The following PAX4 variants were observed in gnomAD, a reference collection of about 807,000 sequenced individuals.
The protein encoded by PAX4 is paired box protein Pax-4.
PAX4 carries 33 observed loss-of-function variants against 40.6 expected under a neutral mutation model. That is an observed-to-expected ratio of 0.81 (90% CI 0.62 to 1.09). The LOEUF (loss-of-function observed/expected upper bound fraction) is 1.09, where lower values mean the gene tolerates loss of function less well. PAX4 is among the 50% of genes least tolerant of loss of function. PAX4 has a pLI of 0.00. For synonymous variants in PAX4, 174 were observed against 170.6 expected, an observed-to-expected ratio of 1.02 and a Z score of -0.16; for missense variants, 459 against 442.5, an observed-to-expected ratio of 1.04 and a Z score of -0.33.
chr7:127,613,184 G>T, intron 8 of PAX4, 93 bp from the exon 9 acceptor site: 2 of 1,109,096 alleles, frequency 1.8e-6, no homozygotes, highest in Non-Finnish European at 1.4e-6. Context: ...AACTCAGAAT[G>T]TTGACCCTTC....
At position 127,611,009 on chromosome 7, in the gene PAX4, C is replaced by A; in HGVS notation, c.*55G>T. ...GTCTGTATGGGCAGGACGGTAAGGA[C>A]AATGGGCAGGATGGTATTAGATCTT... On this transcript the variant is annotated 3_prime_UTR_variant, in exon 12 of 12. Transcript: ENST00000639438. 6.4e-7 allele frequency: 1 copy of A among 1,561,694 alleles called. No individual in the cohort carries two copies. Among genetic ancestry groups the A allele is most frequent in the Non-Finnish European group, 8.7e-7 (1 of 1,151,238 alleles).
chr7:127,612,876 G>A (rs928421127), intron 9 of PAX4, 146 bp downstream of exon 9: 9 of 691,244 alleles, frequency 1.3e-5, no homozygotes, highest in Non-Finnish European at 1.6e-5. Flanking sequence ...ATGGATAGAT[G>A]AATGGATGAA....
At chr7:127,613,658 AC>A (rs1562960304) in intron 7 of PAX4, 97 bp downstream of exon 7, 49 of 1,469,292 alleles carry the variant, frequency 3.3e-5, no homozygotes, top group Non-Finnish European at 4.4e-5. Flanking sequence ...AGGGCCACTC[AC>A]ACCTGCACCT....
Position 127,616,025 on chromosome 7 carries a change from G to C in PAX4, c.-97C>G. On this transcript the variant is annotated splice_region_variant and 5_prime_UTR_variant, in exon 3 of 12. Transcript: ENST00000639438. ...AGCTCCTTTTCCAGCTTGGGGGCTG[G>C]CTCTGCAATAATGGGGGGTTATTTG... 1 of 1,415,416 alleles carries C rather than the reference G, an allele frequency of 7.1e-7. No individual in the cohort carries two copies. The highest frequency in any genetic ancestry group is 1.2e-5 in the South Asian group (1 of 80,954). The allele number at this position is 1,415,416 out of a possible 1,614,324, so 87.7% of individuals were successfully genotyped here.
intron 9 of PAX4, 86 bp from the exon 10 acceptor site, chr7:127,612,086 C>T (rs1328661361): frequency 1.2e-5 from 16 of 1,333,896 alleles, no homozygotes; most frequent in Admixed American, 3.7e-5. Flanking sequence ...AGGTTGGATA[C>T]AAAGAGGTTC....
chr7:127,613,021 C>G lies in PAX4; in HGVS notation c.715+1G>C, dbSNP rs1794661466. On this transcript the variant is annotated splice_donor_variant, in intron 9 of 11. Coordinates refer to ENST00000639438, the MANE Select transcript of PAX4 (RefSeq NM_001366110.1). LOFTEE classifies it high-confidence loss of function. ...GATGGATGATGGTGCAGAGAAATCA[C>G]CTGGCAGCTGCATTTCCCACTTGAG... The G allele has an allele frequency of 6.2e-7, 1 of 1,611,884 alleles. No individual in the cohort carries two copies.
In PAX4 at chr7:127,611,738, G is replaced by A. The variant is rs327518; in HGVS notation, c.772-62C>T. 598,055 of 1,601,966 alleles carry A rather than the reference G, an allele frequency of 0.37. 117,809 individuals carry two copies. Among genetic ancestry groups the A allele is most frequent in the Admixed American group, 0.43 (25,834 of 59,864 alleles). ...AGTGATGCCTCCTGTAGAGAACGCC[G>A]GGACCCCAGAGCTGCCTGCCACCCA... On this transcript the variant is annotated intron_variant, in intron 10 of 11. Coordinates refer to ENST00000639438, the MANE Select transcript of PAX4 (RefSeq NM_001366110.1).
intron 7 of PAX4, 78 bp from the exon 8 acceptor site, chr7:127,613,610 C>G (rs1794673015): frequency 6.3e-7 from 1 of 1,581,738 alleles, no homozygotes; most frequent in Non-Finnish European, 8.7e-7. Context: ...CAACACTCCC[C>G]ACCTGCTACA....
At chr7:127,613,727 C>T (rs747881945) in intron 7 of PAX4, 29 bp downstream of exon 7, 1 of 1,613,486 alleles carries the variant, frequency 6.2e-7, no homozygotes. Flanking sequence ...TGAGGACTCT[C>T]TGACCCTCCA....
rs574703431 is a variant in PAX4 at position 127,611,879 on chromosome 7, G to A, written c.771+66C>T. 110 of 1,609,292 alleles carry A rather than the reference G, an allele frequency of 6.8e-5. 1 individual carries two copies. In the African/African-American group the frequency reaches 1.3e-3, roughly 19 times the overall value. ...GAGCCGGAGATCCTGGCTCAGGCCA[G>A]AAATGGAAGAGCCCATGAGCCCTTC... On this transcript the variant is annotated intron_variant, in intron 10 of 11. Coordinates refer to ENST00000639438, the MANE Select transcript of PAX4 (RefSeq NM_001366110.1).
intron 2 of PAX4, 57 bp from the exon 3 acceptor site, chr7:127,616,084 G>A: frequency 1.2e-6 from 1 of 833,156 alleles, no homozygotes; most frequent in Non-Finnish European, 1.8e-6. Context: ...GTCCTGGGAG[G>A]TAGTGTTTTG....
chr7:127,611,327 C>T (rs1274417132), intron 11 of PAX4, 121 bp from the exon 12 acceptor site: 1 of 1,307,958 alleles, frequency 7.6e-7, no homozygotes, highest in Non-Finnish European at 1.1e-6. Context: ...GAATCCCAGT[C>T]TCACATCCTT....
At chr7:127,613,620 A>C in intron 7 of PAX4, 88 bp from the exon 8 acceptor site, 3 of 1,583,076 alleles carry the variant, frequency 1.9e-6, no homozygotes, top group Non-Finnish European at 2.6e-6. Flanking sequence ...CACCTGCTAC[A>C]ACCCCAAACT....
At position 127,611,972 on chromosome 7, in the gene PAX4, C is replaced by A. The variant is rs1272120794; in HGVS notation, c.744G>T (p.Arg248Ser). 1 of 1,614,008 alleles carries A rather than the reference C, an allele frequency of 6.2e-7. No individual in the cohort carries two copies. The highest frequency in any genetic ancestry group is 8.5e-7 in the Non-Finnish European group (1 of 1,180,030). Residue 248 changes from arginine to serine, a missense_variant, in exon 10 of 12, where the codon AGG (arginine) becomes AGT (serine). Physicochemically the swap from Arg to Ser is moderately radical, Grantham distance 110. Transcript: ENST00000639438. ...GTGCAGAGATGATTCCTGGGGCAAC[C>A]CTTGGTACAGTCAGCCCCTGGGAAG... ...PGASQGLTVP[R>S]VAPGIISAQQ... is the part of the protein sequence containing the mutation.
At chr7:127,615,659 T>C in intron 3 of PAX4, 128 bp from the exon 4 acceptor site, 1 of 1,573,124 alleles carries the variant, frequency 6.4e-7, no homozygotes, top group Non-Finnish European at 8.6e-7. Flanking sequence ...GGAGACTGCA[T>C]CCTTGCTGCC....
chr7:127,617,492 T>C (rs1169669722), intron 1 of PAX4, 92 bp from the exon 2 acceptor site: 1 of 152,092 alleles, frequency 6.6e-6, no homozygotes, highest in East Asian at 1.9e-4. Flanking sequence ...CTTTCTCTGC[T>C]CCCACCCCTG....
chr7:127,615,355 C>T (rs1794707257), intron 4 of PAX4, 46 bp downstream of exon 4: 1 of 1,613,800 alleles, frequency 6.2e-7, no homozygotes, highest in Admixed American at 1.7e-5. Context: ...AGCCCTTTCT[C>T]CCTGCTTCCT....
rs1417815800 is a variant in PAX4 at position 127,610,903 on chromosome 7, A to T, written c.*161T>A. The T allele has an allele frequency of 1.9e-6, 3 of 1,544,450 alleles. No individual in the cohort carries two copies. In the South Asian group the frequency reaches 3.6e-5, roughly 18 times the overall value. On this transcript the variant is annotated 3_prime_UTR_variant, in exon 12 of 12. Transcript: ENST00000639438. ...CTTTACCAGCCCCTCCAATCAGGTG[A>T]TGCGCCAGAGAGGCATCGAGGCAGG...
chr7:127,613,665 C>T (rs1794674531), intron 7 of PAX4, 91 bp downstream of exon 7: 1 of 1,598,916 alleles, frequency 6.3e-7, no homozygotes, highest in Non-Finnish European at 8.6e-7. Flanking sequence ...CTCACACCTG[C>T]ACCTCTCAGC....
Sources: allele counts gnomAD v4.1 joint callset, GRCh38; gene constraint gnomAD v4.1.1; transcripts MANE v1.5; gene names NCBI Gene and HGNC (gene_info 2026-07-23, HGNC 2026-07-21).